The following SNX29 variants were observed in gnomAD, a reference collection of about 807,000 sequenced individuals.
SNX29 encodes the protein sorting nexin 29.
In SNX29, 78 loss-of-function variants were observed where a neutral mutation model predicts 102.1. The observed-to-expected ratio is 0.76, with a 90% CI of 0.64 to 0.92. SNX29 has a LOEUF of 0.92. Among genes scored for constraint, SNX29 ranks in the 40% least tolerant of loss-of-function variants. SNX29 has a pLI of 0.00. For missense variants in SNX29, 1,280 were observed against 1,061.7 expected (o/e 1.21, Z -2.86); for synonymous variants, 580 against 414.5 (o/e 1.40, Z -4.85).
intron 17 of SNX29, among the ~76,000 whole-genome samples, chr16:12,399,945 G>A (rs1237647224): frequency 2.6e-5 from 4 of 152,108 alleles, no homozygotes; most frequent in Non-Finnish European, 5.9e-5. Flanking sequence ...TCCCAGACAC[G>A]AGGCTGGAAG....
At chr16:12,085,077 A>G (rs2052096365) in intron 11 of SNX29, among the ~76,000 whole-genome samples, 1 of 151,756 alleles carries the variant, frequency 6.6e-6, no homozygotes, top group South Asian at 2.1e-4. Flanking sequence ...TCAAAAAGAA[A>G]AAGAAAAAAA....
chr16:12,538,331 A>C (rs894032508), intron 20 of SNX29, among the ~76,000 whole-genome samples: 1 of 152,174 alleles, frequency 6.6e-6, no homozygotes, highest in African/African-American at 2.4e-5. Flanking sequence ...CATGTTAGCC[A>C]GGATGGTCTC....
intron 11 of SNX29, among the ~76,000 whole-genome samples, chr16:12,107,977 A>C (rs1471364037): frequency 1.2e-4 from 18 of 152,114 alleles, no homozygotes; most frequent in Admixed American, 1.2e-3. Context: ...GATTGACGGT[A>C]GTGGAATGAG....
intron 15 of SNX29, among the ~76,000 whole-genome samples, chr16:12,312,125 C>T (rs540290848): frequency 6.6e-6 from 1 of 152,286 alleles, no homozygotes; most frequent in South Asian, 2.1e-4. Context: ...TATCTTGCAG[C>T]CTTGTGTCCA....
chr16:12,160,708 A>G (rs2055747530), intron 13 of SNX29, among the ~76,000 whole-genome samples: 2 of 152,212 alleles, frequency 1.3e-5, no homozygotes, highest in South Asian at 2.1e-4. Context: ...AGGGTGAATT[A>G]TATCTTAAGG....
chr16:12,032,751 G>T (rs1326832383), intron 4 of SNX29, among the ~76,000 whole-genome samples: 1 of 151,828 alleles, frequency 6.6e-6, no homozygotes, highest in Non-Finnish European at 1.5e-5. Flanking sequence ...ACCATCAGAG[G>T]GTTTTCCATA....
intron 13 of SNX29, among the ~76,000 whole-genome samples, chr16:12,174,917 G>A (rs1404894357): frequency 6.7e-6 from 1 of 149,044 alleles, no homozygotes; most frequent in African/African-American, 2.5e-5. Context: ...TAAATGGAAA[G>A]TATTATTACT....
rs1484437024 is a variant in SNX29 at position 12,483,313 on chromosome 16, ACTTTT to A, written c.2178+5460_2178+5464del. ...TGTGAGCCACTGCACCTGGCCATTT[ACTTTT>A]CTTTTTTTTTTTTTTTCCAGACGGA... On this transcript the variant is annotated intron_variant, in intron 19 of 20. Coordinates refer to ENST00000566228, the MANE Select transcript of SNX29 (RefSeq NM_032167.5). 3.6e-5 allele frequency among the ~76,000 whole-genome samples: 4 copies of A among 112,494 alleles called. No homozygotes were observed. The East Asian group carries it at 8.8e-4, about 25-fold the overall frequency. 73.8% of individuals were successfully genotyped at this position (112,494 alleles called of 152,430 possible). A position where few individuals can be genotyped will look rare whatever the true frequency, so the allele number is the denominator to read the frequency against.
intron 15 of SNX29, among the ~76,000 whole-genome samples, chr16:12,327,329 A>T (rs116526319): frequency 3.1e-3 from 472 of 152,246 alleles, no homozygotes; most frequent in African/African-American, 0.011. Flanking sequence ...TGGTGTATTA[A>T]TTAGCTAGAG....
In SNX29 at chr16:11,984,526, T is replaced by A. The variant is rs759229786; in HGVS notation, c.7+7713T>A. On this transcript the variant is annotated intron_variant, in intron 1 of 20. Coordinates refer to ENST00000566228, the MANE Select transcript of SNX29 (RefSeq NM_032167.5). ...CTCACTATTGATCACTTTTATGGAATGTACAGTCCATCATTCATCATTTTG... is the reference window on the plus strand; with the variant it reads ...CTCACTATTGATCACTTTTATGGAAAGTACAGTCCATCATTCATCATTTTG... Among the ~76,000 whole-genome samples the A allele has an allele frequency of 7.9e-5, 12 of 152,214 alleles. 1 individual carries two copies. The South Asian group carries it at 8.3e-4, about 11-fold the overall frequency.
intron 18 of SNX29, among the ~76,000 whole-genome samples, chr16:12,419,718 A>G (rs2084796745): frequency 6.6e-6 from 1 of 152,084 alleles, no homozygotes; most frequent in Non-Finnish European, 1.5e-5. Flanking sequence ...GTTTCTTCTG[A>G]GGCTGACAAC....
At chr16:12,567,921 CTG>C (rs777716380) in intron 20 of SNX29, among the ~76,000 whole-genome samples, 4 of 152,324 alleles carry the variant, frequency 2.6e-5, no homozygotes, top group Middle Eastern at 3.4e-3. Flanking sequence ...CCCACACACG[CTG>C]TGTGTTCGCG....
intron 16 of SNX29, among the ~76,000 whole-genome samples, chr16:12,369,219 T>G (rs1597106513): frequency 6.6e-6 from 1 of 151,734 alleles, no homozygotes; most frequent in Non-Finnish European, 1.5e-5. Context: ...CACTACAACC[T>G]CCGCCTCCTA....
At chr16:11,999,515 A>G (rs747915751) in intron 2 of SNX29, among the ~76,000 whole-genome samples, 157 bp downstream of exon 2, 2 of 152,220 alleles carry the variant, frequency 1.3e-5, no homozygotes, top group Non-Finnish European at 2.9e-5. Context: ...ATGATAGAGC[A>G]GTGAACACGG....
At chr16:12,221,528 C>G (rs2077477791) in intron 14 of SNX29, among the ~76,000 whole-genome samples, 1 of 152,172 alleles carries the variant, frequency 6.6e-6, no homozygotes, top group Admixed American at 6.5e-5. Context: ...GCAGGAGAAT[C>G]ACTTGAACCC....
At chr16:12,498,460 G>A (rs996226781) in intron 19 of SNX29, among the ~76,000 whole-genome samples, 3 of 152,186 alleles carry the variant, frequency 2.0e-5, no homozygotes. Flanking sequence ...AGGAGACGCT[G>A]GGCTAGTAAA....
chr16:12,397,839 C>T (rs1208420102), intron 16 of SNX29, among the ~76,000 whole-genome samples: 2 of 152,110 alleles, frequency 1.3e-5, no homozygotes. Flanking sequence ...TTGCCCTCAC[C>T]CCCACCTCCA....
chr16:12,524,550 A>G (rs1273342950), intron 19 of SNX29, among the ~76,000 whole-genome samples, 152 bp from the exon 20 acceptor site: 1 of 149,514 alleles, frequency 6.7e-6, no homozygotes, highest in Non-Finnish European at 1.5e-5. Flanking sequence ...GTGATACTAC[A>G]TGTAAGGGCT....
At chr16:12,542,473 A>C (rs375966372) in intron 20 of SNX29, among the ~76,000 whole-genome samples, 2 of 152,214 alleles carry the variant, frequency 1.3e-5, no homozygotes, top group Non-Finnish European at 2.9e-5. Flanking sequence ...CTGGGATTAC[A>C]GGGACCCACT....
Sources: gnomAD v4.1 joint callset for allele counts (sites outside exome capture counted in the v4.1 genomes callset) on GRCh38, gnomAD v4.1.1 for gene constraint, MANE v1.5 for transcripts, NCBI Gene and HGNC (gene_info 2026-07-23, HGNC 2026-07-21) for gene names.